The following RGS6 variants were observed in gnomAD, a reference collection of about 807,000 sequenced individuals.
The protein encoded by RGS6 is regulator of G protein signaling 6.
RGS6 carries 30 observed loss-of-function variants against 78.5 expected under a neutral mutation model. That is an observed-to-expected ratio of 0.38 (90% confidence interval 0.29 to 0.52). The LOEUF is 0.52. Among genes scored for constraint, RGS6 ranks in the 20% least tolerant of loss-of-function variants. The probability of loss-of-function intolerance (pLI) is 0.85; values close to 1 mark genes in which losing one functional copy is unlikely to be tolerated. For missense variants in RGS6, 495 were observed against 609.7 expected (o/e 0.81, Z 1.98); for synonymous variants, 206 against 206.0 (o/e 1.00, Z 0.00).
intron 2 of RGS6, among the ~76,000 whole-genome samples, chr14:71,998,545 A>G (rs2082806997): frequency 6.6e-6 from 1 of 152,192 alleles, no homozygotes; most frequent in South Asian, 2.1e-4. Flanking sequence ...CATGGAGCTG[A>G]AGGAAGGATG....
intron 13 of RGS6, among the ~76,000 whole-genome samples, chr14:72,504,051 T>G (rs1336870221): frequency 2.6e-5 from 4 of 152,252 alleles, no homozygotes; most frequent in Non-Finnish European, 5.9e-5. Context: ...CCTTTAAAAC[T>G]GTTCTGCTCT....
intron 3 of RGS6, among the ~76,000 whole-genome samples, chr14:72,354,739 A>AT (rs2079897591): frequency 6.6e-6 from 1 of 152,130 alleles, no homozygotes. Context: ...TAATGCCATC[A>AT]TGTTGGGGAT....
At chr14:72,197,497 G>C (rs2153731042) in intron 2 of RGS6, among the ~76,000 whole-genome samples, 1 of 152,288 alleles carries the variant, frequency 6.6e-6, no homozygotes, top group Middle Eastern at 3.4e-3. Flanking sequence ...AAGAACACTT[G>C]GCAAACGAAG....
the RGS6 span, among the ~76,000 whole-genome samples, chr14:71,925,378 CCTTTGCTTTACAGAAG>C: frequency 6.6e-6 from 1 of 152,144 alleles, no homozygotes; most frequent in Admixed American, 6.5e-5. Flanking sequence ...CCTGCTGTTT[CCTTTGCTTTACAGAAG>C]CTTTTAGTTT....
At chr14:72,178,259 C>G (rs1466321154) in intron 2 of RGS6, among the ~76,000 whole-genome samples, 1 of 152,256 alleles carries the variant, frequency 6.6e-6, no homozygotes, top group African/African-American at 2.4e-5. Flanking sequence ...AAGGCTGTGG[C>G]CACCCAGCCC....
chr14:72,038,986 T>C (rs1326918737), intron 2 of RGS6, among the ~76,000 whole-genome samples: 2 of 152,226 alleles, frequency 1.3e-5, no homozygotes, highest in Non-Finnish European at 1.5e-5. Context: ...TTGTTTTCAT[T>C]CACAGGAGGA....
intron 2 of RGS6, among the ~76,000 whole-genome samples, chr14:72,072,757 A>G (rs1251419856): frequency 6.6e-6 from 1 of 152,208 alleles, no homozygotes; most frequent in East Asian, 1.9e-4. Flanking sequence ...TGTCTTACGG[A>G]TTAAGTTAAT....
intron 3 of RGS6, among the ~76,000 whole-genome samples, chr14:72,382,036 A>C (rs2152892970): frequency 6.6e-6 from 1 of 152,116 alleles, no homozygotes; most frequent in South Asian, 2.1e-4. Context: ...GCTTCTTAAA[A>C]AGCCATTCTT....
chr14:72,507,544 C>T (rs1187472279), intron 13 of RGS6, among the ~76,000 whole-genome samples: 1 of 152,228 alleles, frequency 6.6e-6, no homozygotes, highest in African/African-American at 2.4e-5. Flanking sequence ...GATACCCCCA[C>T]CTTCTGTCCT....
intron 3 of RGS6, among the ~76,000 whole-genome samples, chr14:72,355,919 T>C (rs528377594): frequency 3.3e-4 from 51 of 152,242 alleles, no homozygotes; most frequent in African/African-American, 1.1e-3. Context: ...GCAGCTATAA[T>C]AGAGTCAAGA....
chr14:72,395,074 A>G (rs1356938455), intron 3 of RGS6, among the ~76,000 whole-genome samples: 3 of 152,180 alleles, frequency 2.0e-5, no homozygotes, highest in African/African-American at 4.8e-5. Flanking sequence ...AGACATTTCA[A>G]TCTGTGGTAG....
At chr14:72,416,653 C>T (rs114823659) in intron 3 of RGS6, among the ~76,000 whole-genome samples, 2,228 of 152,234 alleles carry the variant, frequency 0.015, 17 homozygotes, top group Middle Eastern at 0.031. Flanking sequence ...GGCTGTAGTG[C>T]TAATATAACC....
At chr14:72,015,225 GAGAA>G (rs2086696295) in intron 2 of RGS6, among the ~76,000 whole-genome samples, 2 of 152,278 alleles carry the variant, frequency 1.3e-5, no homozygotes, top group Middle Eastern at 6.8e-3. Context: ...GAGGGGAGGA[GAGAA>G]AGAGAGAGAA....
chr14:72,040,254 T>C (rs2092268950), intron 2 of RGS6, among the ~76,000 whole-genome samples: 1 of 152,182 alleles, frequency 6.6e-6, no homozygotes, highest in Non-Finnish European at 1.5e-5. Context: ...TGCTTTCATA[T>C]TGATATCTAG....
At chr14:72,216,358 A>C (rs962077794) in intron 2 of RGS6, among the ~76,000 whole-genome samples, 16 of 152,198 alleles carry the variant, frequency 1.1e-4, no homozygotes, top group African/African-American at 3.6e-4. Flanking sequence ...ACGGGACCTC[A>C]GGTGTATTCA....
chr14:72,419,798 G>C (rs957284430), intron 3 of RGS6, among the ~76,000 whole-genome samples: 5 of 152,190 alleles, frequency 3.3e-5, no homozygotes, highest in African/African-American at 1.2e-4. Flanking sequence ...TTGCCTCTGT[G>C]GTATCAGGGA....
At chr14:71,942,822 A>G (rs1005237660) in intron 1 of RGS6, among the ~76,000 whole-genome samples, 2 of 152,200 alleles carry the variant, frequency 1.3e-5, no homozygotes, top group Non-Finnish European at 2.9e-5. Flanking sequence ...ATGTGTGGTA[A>G]CTTCAAAAAA....
At chr14:72,594,156 A>G in the RGS6 span, among the ~76,000 whole-genome samples, 1 of 152,142 alleles carries the variant, frequency 6.6e-6, no homozygotes, top group African/African-American at 2.4e-5. Context: ...CCCTTACTTT[A>G]CAGAGGAGCC....
At chr14:72,281,235 G>A (rs575942009) in intron 2 of RGS6, among the ~76,000 whole-genome samples, 9 of 141,626 alleles carry the variant, frequency 6.4e-5, no homozygotes, top group African/African-American at 1.3e-4. Context: ...TGTAGCCTCC[G>A]CCTCCCAGGT....
Sources: gnomAD v4.1 joint callset for allele counts (sites outside exome capture counted in the v4.1 genomes callset) on GRCh38, gnomAD v4.1.1 for gene constraint, MANE v1.5 for transcripts, NCBI Gene and HGNC (gene_info 2026-07-23, HGNC 2026-07-21) for gene names.